PPP2R5E: variants seen among roughly 807,000 people sequenced by gnomAD.
PPP2R5E encodes the protein protein phosphatase 2 regulatory subunit B'epsilon.
In PPP2R5E, 4 loss-of-function variants were observed where a neutral mutation model predicts 65.3. That is an observed-to-expected ratio of 0.06 (90% CI 0.03 to 0.14). The LOEUF (loss-of-function observed/expected upper bound fraction) is 0.14. Among genes scored for constraint, PPP2R5E ranks in the 10% least tolerant of loss-of-function variants. The probability of loss-of-function intolerance (pLI) is 1.00; values close to 1 mark genes in which losing one functional copy is unlikely to be tolerated. For missense variants in PPP2R5E, 274 were observed against 556.1 expected (o/e 0.49, Z 5.10); for synonymous variants, 183 against 187.4 (o/e 0.98, Z 0.19).
chr14:63,469,803 T>C (rs1890025480), intron 2 of PPP2R5E, among the ~76,000 whole-genome samples: 1 of 152,170 alleles, frequency 6.6e-6, no homozygotes, highest in Admixed American at 6.5e-5. Flanking sequence ...CATTATATCC[T>C]CCCATTAAAA....
intron 2 of PPP2R5E, among the ~76,000 whole-genome samples, chr14:63,489,307 A>G (rs1891168113): frequency 6.6e-6 from 1 of 151,790 alleles, no homozygotes; most frequent in South Asian, 2.1e-4. Flanking sequence ...ACATACCCTC[A>G]CTCAACACAA....
chr14:63,461,883 CAT>C (rs1421950353), intron 2 of PPP2R5E, among the ~76,000 whole-genome samples: 7 of 152,090 alleles, frequency 4.6e-5, no homozygotes, highest in African/African-American at 4.8e-5. Flanking sequence ...CACATACACA[CAT>C]AGAGTGGTAT....
In PPP2R5E at chr14:63,373,743, C is replaced by T. The variant is rs1244461156; in HGVS notation, c.*2266G>A. ...CATTTCAAATGACTGCATTTCATTC[C>T]AATGAGCAGAGATTCTTCATAAACC... On this transcript the variant is annotated 3_prime_UTR_variant, in exon 14 of 14. Coordinates refer to ENST00000337537, the MANE Select transcript of PPP2R5E (RefSeq NM_006246.5). The T allele has an allele frequency of 8.6e-5, 13 of 152,036 alleles. No homozygotes were observed. Among genetic ancestry groups the T allele is most frequent in the Non-Finnish European group, 1.6e-4 (11 of 68,010 alleles). 9.4% of individuals were successfully genotyped at this position (152,036 alleles called of 1,614,324 possible).
At chr14:63,517,738 C>T (rs983063815) in intron 2 of PPP2R5E, among the ~76,000 whole-genome samples, 71 of 152,170 alleles carry the variant, frequency 4.7e-4, no homozygotes, top group Non-Finnish European at 8.8e-4. Context: ...TAACTTCATT[C>T]CATTTGTCAA....
intron 3 of PPP2R5E, among the ~76,000 whole-genome samples, chr14:63,441,783 A>G (rs187183917): frequency 0.011 from 1,694 of 151,818 alleles, 28 homozygotes; most frequent in African/African-American, 0.038. Flanking sequence ...GGTGGCGGGC[A>G]CCTGTAGTCC....
At chr14:63,540,905 C>T (rs966300723) in intron 1 of PPP2R5E, among the ~76,000 whole-genome samples, 1 of 152,176 alleles carries the variant, frequency 6.6e-6, no homozygotes, top group African/African-American at 2.4e-5. Flanking sequence ...GCTGCCTGCC[C>T]ATTTTCTAAC....
intron 2 of PPP2R5E, among the ~76,000 whole-genome samples, chr14:63,520,089 G>A (rs1594965260): frequency 6.6e-6 from 1 of 152,282 alleles, no homozygotes; most frequent in Non-Finnish European, 1.5e-5. Flanking sequence ...AGGCTGGAGT[G>A]CAGTGGCGCA....
chr14:63,398,781 C>T (rs961845704), intron 5 of PPP2R5E, among the ~76,000 whole-genome samples: 1 of 152,068 alleles, frequency 6.6e-6, no homozygotes, highest in Non-Finnish European at 1.5e-5. Flanking sequence ...CAGAGGAAGA[C>T]TCCATCTCAG....
At chr14:63,453,410 G>A (rs1888954898) in intron 3 of PPP2R5E, 2 of 228,008 alleles carry the variant, frequency 8.8e-6, no homozygotes, top group East Asian at 8.8e-5. Flanking sequence ...CTTTTCTTTT[G>A]CCAAAGCTAG....
At chr14:63,489,018 A>AC (rs1411924182) in intron 2 of PPP2R5E, among the ~76,000 whole-genome samples, 1 of 152,114 alleles carries the variant, frequency 6.6e-6, no homozygotes, top group African/African-American at 2.4e-5. Context: ...AGAAATGGAA[A>AC]CCCAGAGGCG....
At chr14:63,436,776 A>AC (rs1360144744) in intron 3 of PPP2R5E, among the ~76,000 whole-genome samples, 1 of 152,198 alleles carries the variant, frequency 6.6e-6, no homozygotes, top group African/African-American at 2.4e-5. Flanking sequence ...GGAACTGACC[A>AC]CCAACCCTGT....
intron 2 of PPP2R5E, among the ~76,000 whole-genome samples, chr14:63,471,699 TG>T (rs1890139492): frequency 6.6e-6 from 1 of 152,176 alleles, no homozygotes; most frequent in South Asian, 2.1e-4. Context: ...ATCACACAGC[TG>T]GAAAGGGGGC....
chr14:63,448,684 G>A (rs564450630), intron 3 of PPP2R5E, among the ~76,000 whole-genome samples: 1 of 151,864 alleles, frequency 6.6e-6, no homozygotes, highest in South Asian at 2.1e-4. Flanking sequence ...AGCTACTCAG[G>A]AGGCTGAGGC....
intron 3 of PPP2R5E, among the ~76,000 whole-genome samples, chr14:63,428,323 G>A (rs1007717037): frequency 1.3e-5 from 2 of 152,148 alleles, no homozygotes; most frequent in Non-Finnish European, 2.9e-5. Context: ...AACTAGAGGT[G>A]CCAAATAGAA....
rs141907123 is a variant in PPP2R5E at position 63,376,030 on chromosome 14, A to C, written c.1383T>G (p.Arg461=). 33 of 1,599,320 alleles carry C rather than the reference A, an allele frequency of 2.1e-5. No homozygotes were observed. The African/African-American group carries it at 4.3e-4, about 21-fold the overall frequency. ...TTTGTTAAGTTGGAATTATTCCATC[A>C]CGTCTAAGACCTCTCTTTAACTCCA... ...EDLELKRGLR[R]DGIIPT Residue 461 remains arginine (R), a synonymous_variant, in exon 14 of 14, where the codon CGT becomes CGG. Transcript: ENST00000337537.
At position 63,494,983 on chromosome 14, in the gene PPP2R5E, C is replaced by G. The variant is rs1195452097; in HGVS notation, c.158-41098G>C. ...TTTTGGAAGGCTGAGGCAGGCGGAT[C>G]ACTGGATGTCAGGAGTTGGAGACCA... On this transcript the variant is annotated intron_variant, in intron 2 of 13. Transcript: ENST00000337537. Among the ~76,000 whole-genome samples, 5 of 151,824 alleles carry G rather than the reference C, an allele frequency of 3.3e-5. 1 individual carries two copies.
intron 13 of PPP2R5E, 21 bp downstream of exon 13, chr14:63,382,035 A>G: frequency 6.3e-7 from 1 of 1,587,304 alleles, no homozygotes; most frequent in Non-Finnish European, 8.6e-7. Flanking sequence ...CACAGCTGAC[A>G]AAAAAGCTTT....
intron 2 of PPP2R5E, among the ~76,000 whole-genome samples, chr14:63,515,670 GC>G (rs568925217): frequency 8.6e-4 from 131 of 151,446 alleles, no homozygotes; most frequent in Middle Eastern, 3.4e-3. Context: ...ACAGGTGCCT[GC>G]CACCATGCCT....
rs1566662354 is a variant in PPP2R5E at position 63,382,170 on chromosome 14, G to A, written c.1203-13C>T. The A allele has an allele frequency of 5.0e-6, 8 of 1,595,702 alleles. No individual in the cohort carries two copies. The highest frequency in any genetic ancestry group is 3.4e-5 in the Admixed American group (2 of 57,982). ...CGCCACAATAGCCCTGGAAAGCACA[G>A]AAAAAAAGGAGTGTGTTAGTTAGTC... On this transcript the variant is annotated splice_polypyrimidine_tract_variant and intron_variant, in intron 12 of 13. Coordinates refer to ENST00000337537, the MANE Select transcript of PPP2R5E (RefSeq NM_006246.5).
Sources: gnomAD v4.1 joint callset for allele counts (sites outside exome capture counted in the v4.1 genomes callset) on GRCh38, gnomAD v4.1.1 for gene constraint, MANE v1.5 for transcripts, NCBI Gene and HGNC (gene_info 2026-07-23, HGNC 2026-07-21) for gene names.